TMOD3: variants seen among roughly 807,000 people sequenced by gnomAD.
TMOD3 encodes the protein tropomodulin-3.
In TMOD3, 20 loss-of-function variants were observed where a neutral mutation model predicts 39.2. That is an observed-to-expected ratio of 0.51 (90% confidence interval 0.36 to 0.74). The LOEUF is 0.74. Ranked by LOEUF, TMOD3 falls within the 30% of genes least tolerant of loss-of-function variation. The pLI, the probability that TMOD3 is intolerant of heterozygous loss-of-function variation, is 0.00. For missense variants in TMOD3, 381 were observed against 412.8 expected (o/e 0.92, Z 0.67); for synonymous variants, 143 against 145.8 (o/e 0.98, Z 0.14).
chr15:51,900,485 T>C (rs571342544), intron 8 of TMOD3, among the ~76,000 whole-genome samples, 187 bp downstream of exon 8: 1 of 152,162 alleles, frequency 6.6e-6, no homozygotes. Context: ...GTGTATACAA[T>C]GTAAAGGTGT....
chr15:51,842,915 G>T (rs74542674), intron 1 of TMOD3, among the ~76,000 whole-genome samples: 1,953 of 152,270 alleles, frequency 0.013, 24 homozygotes, highest in Non-Finnish European at 0.019. Flanking sequence ...CCCTGACGTT[G>T]ATTAGAGTAA....
At chr15:51,884,850 C>G (rs185467329) in intron 3 of TMOD3, among the ~76,000 whole-genome samples, 1 of 152,254 alleles carries the variant, frequency 6.6e-6, no homozygotes, top group African/African-American at 2.4e-5. Flanking sequence ...CTAAACCAAC[C>G]CTAGAACCAC....
intron 4 of TMOD3, 68 bp downstream of exon 4, chr15:51,887,779 A>G (rs1162295531): frequency 1.9e-6 from 3 of 1,577,280 alleles, no homozygotes; most frequent in Non-Finnish European, 8.6e-7. Flanking sequence ...GCACATACCT[A>G]TATACATTAT....
At chr15:51,890,490 T>G (rs908903390) in intron 5 of TMOD3, among the ~76,000 whole-genome samples, 4 of 152,078 alleles carry the variant, frequency 2.6e-5, no homozygotes, top group African/African-American at 9.7e-5. Flanking sequence ...TGTTTTTGAA[T>G]GCTTACTGTG....
At chr15:51,859,874 T>A (rs1595895403) in intron 1 of TMOD3, 3 of 532,666 alleles carry the variant, frequency 5.6e-6, no homozygotes. Flanking sequence ...GTATTGGAAT[T>A]CTGGCAGAAG....
At chr15:51,889,950 A>G (rs1354462232) in intron 5 of TMOD3, among the ~76,000 whole-genome samples, 1 of 152,168 alleles carries the variant, frequency 6.6e-6, no homozygotes, top group African/African-American at 2.4e-5. Flanking sequence ...ATAAGTATTT[A>G]TGGGAAGAGG....
At chr15:51,831,680 GTCA>G (rs2056255859) in intron 1 of TMOD3, among the ~76,000 whole-genome samples, 1 of 152,146 alleles carries the variant, frequency 6.6e-6, no homozygotes, top group East Asian at 1.9e-4. Flanking sequence ...AAGAACAATT[GTCA>G]TCATAAGTTT....
chr15:51,901,920 T>C lies in TMOD3; in HGVS notation c.908T>C (p.Leu303Ser), dbSNP rs1165363934. ...QRQQLGTAVE[L>S]EMAKMLEENT... ...CAGCAGTTGGGGACAGCTGTAGAAT[T>C]GGAAATGGCCAAGATGCTTGAGGAA... The change falls in exon 9 of 10, where the codon TTG becomes TCG. Residue 303 changes from leucine to serine, a missense_variant. By Grantham distance (145) the Leu-to-Ser change is moderately radical (BLOSUM62 -2). Coordinates refer to ENST00000308580, the MANE Select transcript of TMOD3 (RefSeq NM_014547.5). The C allele has an allele frequency of 1.9e-6, 3 of 1,614,022 alleles. No individual in the cohort carries two copies. Among genetic ancestry groups the C allele is most frequent in the Non-Finnish European group, 2.5e-6 (3 of 1,180,030 alleles).
At chr15:51,903,491 C>T (rs1364954225) in intron 9 of TMOD3, among the ~76,000 whole-genome samples, 1 of 152,198 alleles carries the variant, frequency 6.6e-6, no homozygotes, top group African/African-American at 2.4e-5. Flanking sequence ...AAAAATAGCA[C>T]TTCATTTCTT....
chr15:51,888,627 A>G (rs2141700672), intron 4 of TMOD3, among the ~76,000 whole-genome samples: 1 of 152,356 alleles, frequency 6.6e-6, no homozygotes, highest in African/African-American at 2.4e-5. Context: ...CTACAGTCCA[A>G]GTGTAAATTA....
In TMOD3 at chr15:51,893,140, C is replaced by G. The variant is rs143551619; in HGVS notation, c.497-675C>G. On this transcript the variant is annotated intron_variant, in intron 5 of 9. Coordinates refer to ENST00000308580, the MANE Select transcript of TMOD3 (RefSeq NM_014547.5). ...ACGAAACCCATCTCTACTAAAAATACAAAAATTAGCCAGGCATGGTGACAC... is the reference window on the plus strand; with the variant it reads ...ACGAAACCCATCTCTACTAAAAATAGAAAAATTAGCCAGGCATGGTGACAC... Among the ~76,000 whole-genome samples, 591 of 151,170 alleles carry G rather than the reference C, an allele frequency of 3.9e-3. 1 individual carries two copies. The highest frequency in any genetic ancestry group is 6.1e-3 in the Admixed American group (93 of 15,152).
At chr15:51,873,756 G>A (rs540957862) in intron 3 of TMOD3, among the ~76,000 whole-genome samples, 77 of 151,372 alleles carry the variant, frequency 5.1e-4, no homozygotes, top group Admixed American at 3.7e-3. Flanking sequence ...TACCCAGGCC[G>A]GAGTGCAGTG....
intron 1 of TMOD3, among the ~76,000 whole-genome samples, chr15:51,843,893 G>GT (rs5812570): frequency 0.94 from 139,095 of 148,456 alleles, 65,167 homozygotes; most frequent in East Asian, 0.97. Flanking sequence ...CAGATTGCTA[G>GT]TTTTTTTTTT....
intron 1 of TMOD3, chr15:51,860,275 A>G (rs2056410492): frequency 1.9e-6 from 1 of 524,888 alleles, no homozygotes; most frequent in South Asian, 1.4e-5. Context: ...GACACATGAA[A>G]TTCTGCACCT....
intron 1 of TMOD3, among the ~76,000 whole-genome samples, chr15:51,837,744 A>G: frequency 6.6e-6 from 1 of 151,994 alleles, no homozygotes; most frequent in East Asian, 1.9e-4. Context: ...AACCCCCATT[A>G]TTATTCCTTG....
At chr15:51,893,741 G>C in intron 5 of TMOD3, 74 bp from the exon 6 acceptor site, 1 of 1,369,116 alleles carries the variant, frequency 7.3e-7, no homozygotes, top group South Asian at 2.0e-5. Flanking sequence ...CTCCGGCCTG[G>C]GCGAAAGTGC....
intron 5 of TMOD3, 120 bp from the exon 6 acceptor site, chr15:51,893,695 G>A (rs1595909215): frequency 6.5e-6 from 6 of 920,704 alleles, no homozygotes; most frequent in East Asian, 3.4e-5. Flanking sequence ...AACCCGGGAG[G>A]CGGAGCTTGC....
At chr15:51,837,779 C>T (rs777205645) in intron 1 of TMOD3, among the ~76,000 whole-genome samples, 4 of 152,174 alleles carry the variant, frequency 2.6e-5, no homozygotes, top group Non-Finnish European at 5.9e-5. Flanking sequence ...TTCCTGCTTT[C>T]CTTAGACATT....
At chr15:51,834,899 G>C (rs898294926) in intron 1 of TMOD3, 5 of 152,138 alleles carry the variant, frequency 3.3e-5, no homozygotes, top group Admixed American at 6.6e-5. Context: ...TAGCGTGTCA[G>C]CTGAGCTACT....
Sources: allele counts gnomAD v4.1 joint callset (sites outside exome capture counted in the v4.1 genomes callset), GRCh38; gene constraint gnomAD v4.1.1; transcripts MANE v1.5; gene names NCBI Gene and HGNC (gene_info 2026-07-23, HGNC 2026-07-21).